Variants in TRAPPC9 observed in about 807,000 individuals in gnomAD.
The protein encoded by TRAPPC9 is trafficking protein particle complex subunit 9, also known as IKK2 binding protein.
A neutral mutation model predicts 124.0 loss-of-function variants in TRAPPC9; 83 were observed. The ratio of observed to expected loss-of-function variants is 0.67; its 90% CI spans 0.56 to 0.80. TRAPPC9 has a LOEUF of 0.80. Ranked by LOEUF, TRAPPC9 falls within the 30% of genes least tolerant of loss-of-function variation. TRAPPC9 has a pLI of 0.00. For synonymous variants in TRAPPC9, 638 were observed against 617.5 expected, an observed-to-expected ratio of 1.03 and a Z score of -0.49; for missense variants, 1,302 against 1,508.3, an observed-to-expected ratio of 0.86 and a Z score of 2.27.
intron 21 of TRAPPC9, among the ~76,000 whole-genome samples, chr8:139,884,035 G>A (rs775808077): frequency 1.3e-5 from 2 of 152,160 alleles, no homozygotes; most frequent in Admixed American, 6.5e-5. Flanking sequence ...ATCTTAGGGC[G>A]GCATGGACCT....
chr8:140,316,803 G>C (rs2066453575), intron 9 of TRAPPC9, among the ~76,000 whole-genome samples: 1 of 152,128 alleles, frequency 6.6e-6, no homozygotes, highest in Non-Finnish European at 1.5e-5. Flanking sequence ...GAGAAAAATT[G>C]GTACTAGTTC....
At chr8:140,119,838 C>T (rs1156979356) in intron 17 of TRAPPC9, among the ~76,000 whole-genome samples, 1 of 152,156 alleles carries the variant, frequency 6.6e-6, no homozygotes, top group Non-Finnish European at 1.5e-5. Flanking sequence ...AAAGGAACCC[C>T]CCTTCCTCTC....
intron 21 of TRAPPC9, among the ~76,000 whole-genome samples, chr8:139,827,768 C>G (rs904636045): frequency 6.6e-6 from 1 of 152,188 alleles, no homozygotes; most frequent in Non-Finnish European, 1.5e-5. Flanking sequence ...GGGTGGTTTA[C>G]AAAGGAAAGA....
chr8:140,126,653 A>G (rs2061103380), intron 17 of TRAPPC9, among the ~76,000 whole-genome samples: 1 of 152,264 alleles, frequency 6.6e-6, no homozygotes, highest in Non-Finnish European at 1.5e-5. Flanking sequence ...TTTAAATGAA[A>G]AAGAAACATT....
rs191382342 is a variant in TRAPPC9, at chr8:139,966,517, G to A, written c.2810+22209C>T. On this transcript the variant is annotated intron_variant, in intron 19 of 22. Coordinates refer to ENST00000438773, the MANE Select transcript of TRAPPC9 (RefSeq NM_001160372.4). ...TCTTCCAGAATAGCCTACTGTGCAC[G>A]CATTGCTTCTGTTTTTGTCTCAGTC... 7.5e-4 allele frequency among the ~76,000 whole-genome samples: 114 copies of A among 152,338 alleles called. 1 individual carries two copies. Among genetic ancestry groups the A allele is most frequent in the Admixed American group, 5.0e-3 (77 of 15,306 alleles).
intron 18 of TRAPPC9, among the ~76,000 whole-genome samples, chr8:139,997,051 A>G (rs1838047201): frequency 6.6e-6 from 1 of 151,636 alleles, no homozygotes; most frequent in Non-Finnish European, 1.5e-5. Flanking sequence ...CTGACCCAAA[A>G]ACTATTTTTT....
Position 140,386,050 on chromosome 8 carries a change from G to C in TRAPPC9, c.1134+11570C>G, listed in dbSNP as rs145999604. Among the ~76,000 whole-genome samples, 387 of 152,272 alleles carry C rather than the reference G, an allele frequency of 2.5e-3. 4 individuals carry two copies. Among genetic ancestry groups the C allele is most frequent in the East Asian group, 2.7e-3 (14 of 5,192 alleles). ...ATAAATGTAATCCAGCATATAAACAGAACCAAAGACAAAAACTACCTGATT... is the reference window on the plus strand; with the variant it reads ...ATAAATGTAATCCAGCATATAAACACAACCAAAGACAAAAACTACCTGATT... On this transcript the variant is annotated intron_variant, in intron 7 of 22. Coordinates refer to ENST00000438773, the MANE Select transcript of TRAPPC9 (RefSeq NM_001160372.4).
chr8:140,259,494 C>T (rs950072886), intron 15 of TRAPPC9, among the ~76,000 whole-genome samples: 6 of 152,204 alleles, frequency 3.9e-5, no homozygotes, highest in East Asian at 3.9e-4. Flanking sequence ...ATCCTGGCTC[C>T]GGCCGGCTAT....
intron 7 of TRAPPC9, among the ~76,000 whole-genome samples, chr8:140,395,019 A>G (rs1042028316): frequency 3.3e-5 from 5 of 152,186 alleles, no homozygotes; most frequent in African/African-American, 1.2e-4. Flanking sequence ...GCCCGGCATC[A>G]CTGGGGAGAA....
At chr8:140,298,356 T>C (rs2065870564) in intron 11 of TRAPPC9, among the ~76,000 whole-genome samples, 1 of 152,024 alleles carries the variant, frequency 6.6e-6, no homozygotes, top group Non-Finnish European at 1.5e-5. Flanking sequence ...GAAATGCTCA[T>C]CAAGACAATG....
chr8:139,746,841 T>G (rs889958656), intron 21 of TRAPPC9, among the ~76,000 whole-genome samples: 28 of 152,248 alleles, frequency 1.8e-4, no homozygotes, highest in African/African-American at 6.3e-4. Flanking sequence ...AGACAGGCAC[T>G]GGGCCTCTAG....
chr8:140,272,130 C>CGATGGT lies in TRAPPC9; in HGVS notation c.2278+3522_2278+3527dup, dbSNP rs1411570320. Among the ~76,000 whole-genome samples, 930 of 100,454 alleles carry CGATGGT rather than the reference C, an allele frequency of 9.3e-3. 4 individuals are homozygous for CGATGGT. Among genetic ancestry groups the CGATGGT allele is most frequent in the Non-Finnish European group, 0.012 (555 of 44,706 alleles). The allele number at this position is 100,454 out of a possible 152,430, so 65.9% of individuals were successfully genotyped here. ...GTGGTGGTGGCAATGGTGATGGTGGCGATGGTGATGGTGATGGTGGTAGCA... is the reference window on the plus strand; with the variant it reads ...GTGGTGGTGGCAATGGTGATGGTGGCGATGGTGATGGTGATGGTGATGGTGGTAGCA... On this transcript the variant is annotated intron_variant, in intron 15 of 22. Coordinates refer to ENST00000438773, the MANE Select transcript of TRAPPC9 (RefSeq NM_001160372.4).
At chr8:140,137,856 G>A (rs77951401) in intron 17 of TRAPPC9, among the ~76,000 whole-genome samples, 10,612 of 152,164 alleles carry the variant, frequency 0.07, 1,218 homozygotes, top group African/African-American at 0.24. Context: ...AACCATATAC[G>A]ATTATAATTT....
chr8:140,088,241 T>C (rs1844328721), intron 17 of TRAPPC9, among the ~76,000 whole-genome samples: 1 of 152,208 alleles, frequency 6.6e-6, no homozygotes, highest in East Asian at 1.9e-4. Flanking sequence ...AATGTCTTGT[T>C]CACAATTGTA....
chr8:140,189,688 T>C lies in TRAPPC9; in HGVS notation c.2556+31771A>G, dbSNP rs538564181. Among the ~76,000 whole-genome samples, 67 of 119,080 alleles carry C rather than the reference T, an allele frequency of 5.6e-4. 1 individual carries two copies. Among genetic ancestry groups the C allele is most frequent in the Non-Finnish European group, 1.0e-3 (54 of 51,966 alleles). The allele number at this position is 119,080 out of a possible 152,430, so 78.1% of individuals were successfully genotyped here. A position where few individuals can be genotyped will look rare whatever the true frequency, so the allele number is the denominator to read the frequency against. On this transcript the variant is annotated intron_variant, in intron 17 of 22. Transcript: ENST00000438773. ...TTCTCCTTTAGAGTCTTCCCAAGTT[T>C]CCAGATTTTTTTTTTTACAAGGATC...
At position 139,788,079 on chromosome 8, in the gene TRAPPC9, C is replaced by A. The variant is rs1362864327; in HGVS notation, c.3056-55877G>T. Among the ~76,000 whole-genome samples, 1 of 152,192 alleles carries A rather than the reference C, an allele frequency of 6.6e-6. No individual in the cohort carries two copies. ...TCAGAACTAGGAACCCGAATTCCAA[C>A]CAGGCTTCAGCCCAGAAGCCACTTC... On this transcript the variant is annotated intron_variant, in intron 21 of 22. Transcript: ENST00000438773. This position sits in a 1 kb window ranked among gnomAD's most constrained non-coding sequence, Gnocchi z 4.9.
intron 17 of TRAPPC9, among the ~76,000 whole-genome samples, chr8:140,077,336 G>A (rs1287857104): frequency 4.6e-5 from 7 of 152,190 alleles, no homozygotes; most frequent in African/African-American, 1.4e-4. Context: ...ATGAATAAAT[G>A]GGTGAATGAA....
chr8:140,259,313 A>G (rs1257616977), intron 15 of TRAPPC9, among the ~76,000 whole-genome samples: 2 of 152,126 alleles, frequency 1.3e-5, no homozygotes, highest in Non-Finnish European at 2.9e-5. Flanking sequence ...GGGCTCCAAC[A>G]CACACGCCTC....
At chr8:140,325,663 G>C (rs918140492) in intron 9 of TRAPPC9, among the ~76,000 whole-genome samples, 1 of 152,142 alleles carries the variant, frequency 6.6e-6, no homozygotes, top group African/African-American at 2.4e-5. Context: ...GGCTTCACTC[G>C]TAAGTTCTGT....
Sources: allele counts gnomAD v4.1 joint callset (sites outside exome capture counted in the v4.1 genomes callset), GRCh38; gene constraint gnomAD v4.1.1; non-coding constraint Gnocchi (gnomAD v3.1); transcripts MANE v1.5; gene names NCBI Gene and HGNC (gene_info 2026-07-23, HGNC 2026-07-21).